The following ATP2C2 variants were observed in gnomAD, a reference collection of about 807,000 sequenced individuals.
ATP2C2 encodes the protein ATPase secretory pathway Ca2+ transporting 2.
A neutral mutation model predicts 110.8 loss-of-function variants in ATP2C2; 171 were observed. The ratio of observed to expected loss-of-function variants is 1.54; its 90% confidence interval spans 1.36 to 1.75. ATP2C2 has a LOEUF of 1.75. ATP2C2 is among the 40% of genes most tolerant of loss of function. ATP2C2 has a pLI of 0.00. For missense variants in ATP2C2, 1,963 were observed against 1,235.0 expected (o/e 1.59, Z -8.84); for synonymous variants, 804 against 508.4 (o/e 1.58, Z -7.82).
At chr16:84,409,085 T>C (rs1906041561) in intron 4 of ATP2C2, among the ~76,000 whole-genome samples, 1 of 152,188 alleles carries the variant, frequency 6.6e-6, no homozygotes, top group Non-Finnish European at 1.5e-5. Flanking sequence ...CTCTGTGGGT[T>C]GAATGACCTA....
At chr16:84,390,408 G>A (rs1904581032) in intron 1 of ATP2C2, among the ~76,000 whole-genome samples, 2 of 152,252 alleles carry the variant, frequency 1.3e-5, no homozygotes, top group Non-Finnish European at 1.5e-5. Flanking sequence ...AGCTGCGCTT[G>A]TTGGGTGCAG....
At chr16:84,441,552 G>A (rs1318241166) in intron 14 of ATP2C2, among the ~76,000 whole-genome samples, 5 of 152,132 alleles carry the variant, frequency 3.3e-5, no homozygotes, top group East Asian at 3.8e-4. Flanking sequence ...TTCAGTGAGC[G>A]CCACTTGCAA....
At chr16:84,376,483 C>T (rs1910256335) in intron 1 of ATP2C2, among the ~76,000 whole-genome samples, 1 of 152,130 alleles carries the variant, frequency 6.6e-6, no homozygotes, top group African/African-American at 2.4e-5. Context: ...TTGAATGCAG[C>T]CCAACACAAA....
At chr16:84,453,398 T>C in intron 20 of ATP2C2, 27 bp downstream of exon 20, 5 of 1,613,880 alleles carry the variant, frequency 3.1e-6, no homozygotes, top group Non-Finnish European at 4.2e-6. Context: ...AGGCACAGGC[T>C]GCGCTGCTGG....
intron 1 of ATP2C2, among the ~76,000 whole-genome samples, chr16:84,393,373 G>A (rs1027011909): frequency 6.6e-6 from 1 of 152,106 alleles, no homozygotes; most frequent in Non-Finnish European, 1.5e-5. Context: ...CACGAGCTCA[G>A]TCACCAACCC....
At chr16:84,459,637 G>T (rs747864437) in intron 23 of ATP2C2, 1 of 1,475,390 alleles carries the variant, frequency 6.8e-7, no homozygotes, top group Non-Finnish European at 9.1e-7. Context: ...TGCTCTCTCT[G>T]GGCAACCTGC....
chr16:84,462,236 G>C (rs1911451812), intron 26 of ATP2C2, 107 bp downstream of exon 26: 12 of 1,425,972 alleles, frequency 8.4e-6, no homozygotes, highest in Admixed American at 2.2e-5. Context: ...CGGGAAAGCA[G>C]AGCTCACCAG....
At chr16:84,454,703 G>C in intron 20 of ATP2C2, 115 bp from the exon 21 acceptor site, 1 of 1,146,210 alleles carries the variant, frequency 8.7e-7, no homozygotes, top group Non-Finnish European at 1.2e-6. Context: ...GCTGGGATTC[G>C]AATTCCGGGT....
In ATP2C2 at chr16:84,422,653, A is replaced by C. The variant is rs746066998; in HGVS notation, c.799A>C (p.Ser267Arg). Reference sequence around the variant, plus strand: ...GGGGGTCGTGATTGGAACAGGGGAAAGCTCTCAGTTCGGAGAAGTGTTTAA... The same window carrying C: ...GGGGGTCGTGATTGGAACAGGGGAACGCTCTCAGTTCGGAGAAGTGTTTAA... Reference protein sequence around the residue: ...GQGVVIGTGESSQFGEVFKMM... With the variant: ...GQGVVIGTGERSQFGEVFKMM... Residue 267 changes from serine (S) to arginine (R), a missense_variant, in exon 9 of 27, where the codon AGC becomes CGC. By Grantham distance (110) the Ser-to-Arg change is moderately radical. Transcript: ENST00000262429. 2.5e-6 allele frequency: 4 copies of C among 1,613,498 alleles called. No individual in the cohort carries two copies. In the African/African-American group the frequency reaches 5.3e-5, roughly 22 times the overall value.
intron 6 of ATP2C2, among the ~76,000 whole-genome samples, chr16:84,412,226 C>T (rs1186434541): frequency 1.3e-5 from 2 of 151,998 alleles, no homozygotes; most frequent in African/African-American, 4.8e-5. Context: ...GCATTTTTTG[C>T]ATTTTTATTT....
intron 4 of ATP2C2, among the ~76,000 whole-genome samples, chr16:84,408,826 TC>T (rs1274511357): frequency 1.3e-5 from 2 of 151,894 alleles, no homozygotes; most frequent in Non-Finnish European, 2.9e-5. Flanking sequence ...ACACCTTTGA[TC>T]CATTACCGAG....
rs149969803 is a variant in ATP2C2, at chr16:84,398,045, T to A, written c.100-454T>A. On this transcript the variant is annotated intron_variant, in intron 1 of 26. Transcript: ENST00000262429. ...TCTGTTTCTTAATTTGGGGGCTGGT[T>A]ATAAGGGTTAGTTTGTGAGCTGTAC... Among the ~76,000 whole-genome samples the A allele has an allele frequency of 2.1e-3, 323 of 151,826 alleles. 8 individuals are homozygous for A. Among genetic ancestry groups the A allele is most frequent in the African/African-American group, 7.6e-3 (314 of 41,208 alleles).
At chr16:84,389,769 G>A (rs12923130) in intron 1 of ATP2C2, among the ~76,000 whole-genome samples, 14,515 of 145,198 alleles carry the variant, frequency 0.1, 927 homozygotes, top group Non-Finnish European at 0.14. Flanking sequence ...CACCCAGGCT[G>A]GAGTACGGTG....
At chr16:84,375,445 G>A (rs988993429) in intron 1 of ATP2C2, among the ~76,000 whole-genome samples, 19 of 151,698 alleles carry the variant, frequency 1.3e-4, no homozygotes, top group African/African-American at 4.4e-4. Flanking sequence ...GGAGGCTGAG[G>A]CAGAAGAATC....
chr16:84,415,661 T>C lies in ATP2C2; in HGVS notation c.624+70T>C, dbSNP rs115432944. 7.9e-4 allele frequency: 1,009 copies of C among 1,273,630 alleles called. 7 individuals carry two copies. The African/African-American group carries it at 0.013, about 17-fold the overall frequency. 78.9% of individuals were successfully genotyped at this position (1,273,630 alleles called of 1,614,324 possible). On this transcript the variant is annotated intron_variant, in intron 7 of 26. Transcript: ENST00000262429. ...GGTCAAGGAGCAGACACTTAGCTAA[T>C]TGTAGGCATGTATAGTCTCTCTCAT...
At position 84,381,642 on chromosome 16, in the gene ATP2C2, T is replaced by A. The variant is rs868530947; in HGVS notation, c.99+12928T>A. On this transcript the variant is annotated intron_variant, in intron 1 of 26. Coordinates refer to ENST00000262429, the MANE Select transcript of ATP2C2 (RefSeq NM_014861.4). ...CATAAGTGTCTTTTCCCTCATAGAT[T>A]CATGCTGGGCACACTATTCTGCCCA... Among the ~76,000 whole-genome samples the A allele has an allele frequency of 9.9e-5, 15 of 152,282 alleles. No homozygotes were observed. The East Asian group carries it at 2.9e-3, about 29-fold the overall frequency.
At chr16:84,392,624 G>A (rs1053106092) in intron 1 of ATP2C2, among the ~76,000 whole-genome samples, 7 of 152,078 alleles carry the variant, frequency 4.6e-5, no homozygotes, top group Admixed American at 2.6e-4. Context: ...CACCACGCCC[G>A]GCTAATTCTT....
chr16:84,428,875 G>C (rs750843472), intron 11 of ATP2C2, among the ~76,000 whole-genome samples: 26 of 152,192 alleles, frequency 1.7e-4, no homozygotes, highest in African/African-American at 6.3e-4. Context: ...TGTATGCCAG[G>C]GGTTGGACTT....
At chr16:84,462,373 A>C in intron 26 of ATP2C2, 1 of 455,584 alleles carries the variant, frequency 2.2e-6, no homozygotes, top group Non-Finnish European at 3.8e-6. Context: ...TCTGGGGCCC[A>C]AGGGGCACCG....
Sources: gnomAD v4.1 joint callset for allele counts (sites outside exome capture counted in the v4.1 genomes callset) on GRCh38, gnomAD v4.1.1 for gene constraint, MANE v1.5 for transcripts, NCBI Gene and HGNC (gene_info 2026-07-23, HGNC 2026-07-21) for gene names.